Variants in CDK5RAP2 observed in about 807,000 individuals in gnomAD.
CDK5RAP2 encodes the protein CDK5 regulatory subunit-associated protein 2.
A neutral mutation model predicts 232.9 loss-of-function variants in CDK5RAP2; 147 were observed. The ratio of observed to expected loss-of-function variants is 0.63; its 90% CI spans 0.55 to 0.72. The LOEUF (loss-of-function observed/expected upper bound fraction) is 0.72. CDK5RAP2 is among the 30% of genes least tolerant of loss of function. The pLI, the probability that CDK5RAP2 is intolerant of heterozygous loss-of-function variation, is 0.00. For missense variants in CDK5RAP2, 2,195 were observed against 2,231.5 expected (o/e 0.98, Z 0.33); for synonymous variants, 833 against 833.7 (o/e 1.00, Z 0.01).
Position 120,500,160 on chromosome 9 carries a change from C to A in CDK5RAP2, c.1312-8683G>T, listed in dbSNP as rs576813556. Among the ~76,000 whole-genome samples, 20 of 152,326 alleles carry A rather than the reference C, an allele frequency of 1.3e-4. No individual in the cohort carries two copies. In the South Asian group the frequency reaches 3.9e-3, roughly 30 times the overall value. ...GCAGTGCCTAAAGTGAAAGATACCA[C>A]ATGATCGTTATGCTGACCAATTTTA... On this transcript the variant is annotated intron_variant, in intron 12 of 37. Transcript: ENST00000349780.
chr9:120,575,524 T>A (rs925028508), intron 1 of CDK5RAP2, among the ~76,000 whole-genome samples: 6 of 152,250 alleles, frequency 3.9e-5, no homozygotes, highest in African/African-American at 1.4e-4. Context: ...AGGGGTCTTA[T>A]GTCTCCTTGA....
chr9:120,554,604 C>T (rs377156025), intron 3 of CDK5RAP2, among the ~76,000 whole-genome samples: 43 of 152,184 alleles, frequency 2.8e-4, no homozygotes, highest in South Asian at 1.9e-3. Flanking sequence ...ATGAATTTGA[C>T]GATTTCAAAA....
intron 18 of CDK5RAP2, among the ~76,000 whole-genome samples, chr9:120,463,738 T>C (rs1165060600): frequency 6.6e-6 from 1 of 152,222 alleles, no homozygotes; most frequent in Non-Finnish European, 1.5e-5. Context: ...TTGACACAGT[T>C]AAATAAAAAT....
At chr9:120,409,418 C>T (rs2033707255) in intron 29 of CDK5RAP2, 102 bp from the exon 30 acceptor site, 3 of 881,330 alleles carry the variant, frequency 3.4e-6, no homozygotes, top group African/African-American at 1.7e-5. Context: ...GAATGAGATT[C>T]GATCTGGCAT....
At chr9:120,481,409 C>T (rs1268893694) in intron 14 of CDK5RAP2, among the ~76,000 whole-genome samples, 3 of 151,828 alleles carry the variant, frequency 2.0e-5, no homozygotes, top group African/African-American at 7.3e-5. Context: ...GAGCACCTAA[C>T]ATGAGAGGCA....
rs147373270 is a variant in CDK5RAP2 at position 120,525,098 on chromosome 9, A to G, written c.1000-20T>C. ...TTCAACCTGGGGAAAAATAATGAATACCAGCCAAGTATGTAACTGGGCTCT... is the reference window on the plus strand; with the variant it reads ...TTCAACCTGGGGAAAAATAATGAATGCCAGCCAAGTATGTAACTGGGCTCT... On this transcript the variant is annotated intron_variant, in intron 10 of 37. Transcript: ENST00000349780. The G allele has an allele frequency of 7.7e-4, 1,227 of 1,584,914 alleles. 7 individuals carry two copies. The African/African-American group carries it at 0.012, about 15-fold the overall frequency.
At chr9:120,458,357 T>C in intron 20 of CDK5RAP2, 93 bp downstream of exon 20, 1 of 1,245,410 alleles carries the variant, frequency 8.0e-7, no homozygotes, top group Non-Finnish European at 1.2e-6. Flanking sequence ...TCAGGTAAAT[T>C]ACACAGCACG....
intron 12 of CDK5RAP2, among the ~76,000 whole-genome samples, chr9:120,498,102 T>C (rs1223168480): frequency 3.3e-5 from 5 of 152,226 alleles, no homozygotes; most frequent in African/African-American, 1.2e-4. Flanking sequence ...AAGGAAATGC[T>C]AAACTGTCAC....
intron 28 of CDK5RAP2, among the ~76,000 whole-genome samples, chr9:120,413,050 C>T (rs2033948895): frequency 6.6e-6 from 1 of 152,130 alleles, no homozygotes; most frequent in Non-Finnish European, 1.5e-5. Context: ...ACTGCTATTA[C>T]CATTTGTATT....
At chr9:120,391,925 G>C (rs541998956) in intron 36 of CDK5RAP2, among the ~76,000 whole-genome samples, 1 of 152,216 alleles carries the variant, frequency 6.6e-6, no homozygotes, top group African/African-American at 2.4e-5. Flanking sequence ...TTGCAGGCCC[G>C]GGTCAGCCAC....
chr9:120,415,489 AAACT>A (rs1317724389), intron 27 of CDK5RAP2, among the ~76,000 whole-genome samples: 1 of 152,248 alleles, frequency 6.6e-6, no homozygotes, highest in African/African-American at 2.4e-5. Flanking sequence ...CCTTATGGTG[AAACT>A]AACAGATCAC....
At chr9:120,497,504 T>C (rs541814082) in intron 12 of CDK5RAP2, among the ~76,000 whole-genome samples, 19 of 139,414 alleles carry the variant, frequency 1.4e-4, no homozygotes, top group Admixed American at 2.3e-4. Flanking sequence ...AGAAGCAGGA[T>C]ATTCATATAG....
chr9:120,541,304 C>T, intron 5 of CDK5RAP2, among the ~76,000 whole-genome samples: 1 of 152,208 alleles, frequency 6.6e-6, no homozygotes, highest in East Asian at 1.9e-4. Context: ...CTGTCTAAAT[C>T]ACATACATTG....
chr9:120,520,250 G>C (rs2040553971), intron 11 of CDK5RAP2, among the ~76,000 whole-genome samples: 1 of 152,124 alleles, frequency 6.6e-6, no homozygotes, highest in Admixed American at 6.5e-5. Context: ...CTCATATCAA[G>C]AAACACATCC....
At position 120,477,380 on chromosome 9, in the gene CDK5RAP2, T is replaced by C; in HGVS notation, c.1697A>G (p.His566Arg). Reference sequence around the variant, plus strand: ...TGATTCCTGCAGAGATTTGACCAGATGGGTATAGATGTCCTGCTCTTTCTT... The same window carrying C: ...TGATTCCTGCAGAGATTTGACCAGACGGGTATAGATGTCCTGCTCTTTCTT... ...VLKKEQDIYT[H>R]LVKSLQESDS... Residue 566 changes from histidine to arginine, a missense_variant, in exon 15 of 38, where the codon CAT (histidine) becomes CGT (arginine). His to Arg is a conservative substitution (Grantham distance 29). Transcript: ENST00000349780. 2.5e-6 allele frequency: 4 copies of C among 1,613,832 alleles called. No homozygotes were observed. Among genetic ancestry groups the C allele is most frequent in the Non-Finnish European group, 3.4e-6 (4 of 1,179,812 alleles).
Position 120,536,422 on chromosome 9 carries a change from C to T in CDK5RAP2, c.612G>A (p.Lys204=), listed in dbSNP as rs1180209269. The T allele has an allele frequency of 1.9e-6, 3 of 1,614,072 alleles. No individual in the cohort carries two copies. The highest frequency in any genetic ancestry group is 4.5e-5 in the East Asian group (2 of 44,900). ...CCATCGCCAAGTCCCCCTCGTGCAT[C>T]TTCTTCATCTCTGAAAGCTTGCTTT... ...RLESKLSEMK[K]MHEGDLAMAL... is the part of the protein sequence containing the mutation. The change falls in exon 7 of 38, where the codon AAG becomes AAA. Residue 204 remains lysine, a synonymous_variant. Coordinates refer to ENST00000349780, the MANE Select transcript of CDK5RAP2 (RefSeq NM_018249.6).
intron 17 of CDK5RAP2, among the ~76,000 whole-genome samples, chr9:120,469,509 G>A (rs55997250): frequency 0.023 from 3,497 of 152,088 alleles, 50 homozygotes; most frequent in Non-Finnish European, 0.035. Context: ...TAAACTATGC[G>A]GTCTCAAACC....
intron 7 of CDK5RAP2, among the ~76,000 whole-genome samples, chr9:120,533,035 G>A (rs1281471467): frequency 6.6e-6 from 1 of 152,068 alleles, no homozygotes; most frequent in Non-Finnish European, 1.5e-5. Flanking sequence ...TCTCTGCTAG[G>A]CAAAGCGTCC....
At chr9:120,422,565 T>A in intron 26 of CDK5RAP2, 128 bp downstream of exon 26, 1 of 753,146 alleles carries the variant, frequency 1.3e-6, no homozygotes, top group South Asian at 1.5e-5. Context: ...TCCATAGATG[T>A]TTATACCTTA....
Sources: gnomAD v4.1 joint callset for allele counts (sites outside exome capture counted in the v4.1 genomes callset) on GRCh38, gnomAD v4.1.1 for gene constraint, MANE v1.5 for transcripts, NCBI Gene and HGNC (gene_info 2026-07-23, HGNC 2026-07-21) for gene names.